LIN9: variants seen among roughly 807,000 people sequenced by gnomAD.
The protein encoded by LIN9 is lin-9 DREAM MuvB core complex component, also known as protein lin-9 homolog.
Under a neutral mutation model 78.0 loss-of-function variants are expected in LIN9, and 18 were observed. The observed-to-expected ratio is 0.23, with a 90% confidence interval of 0.16 to 0.34. LIN9 has a LOEUF of 0.34. LIN9 is among the 10% of genes least tolerant of loss of function. The pLI is 1.00. For missense variants in LIN9, 451 were observed against 644.1 expected (o/e 0.70, Z 3.25); for synonymous variants, 192 against 215.2 (o/e 0.89, Z 0.94).
At chr1:226,256,556 T>C (rs1476744162) in intron 10 of LIN9, among the ~76,000 whole-genome samples, 2 of 150,002 alleles carry the variant, frequency 1.3e-5, no homozygotes, top group Non-Finnish European at 3.0e-5. Flanking sequence ...AAAATAAATA[T>C]ATATATATAT....
chr1:226,248,397 A>G (rs911865144), intron 11 of LIN9, among the ~76,000 whole-genome samples: 19 of 152,136 alleles, frequency 1.2e-4, no homozygotes, highest in Admixed American at 1.2e-3. Context: ...AGACTGCTTC[A>G]TTTTTTCTGT....
intron 11 of LIN9, among the ~76,000 whole-genome samples, chr1:226,245,678 C>T (rs1405148664): frequency 6.4e-4 from 9 of 14,030 alleles, no homozygotes; most frequent in Non-Finnish European, 1.2e-3. Context: ...ACTGCAACCT[C>T]TCTCTGCTTC....
Position 226,297,717 on chromosome 1 carries a change from A to G in LIN9, c.159+2T>C. 1 of 1,560,706 alleles carries G rather than the reference A, an allele frequency of 6.4e-7. No individual in the cohort carries two copies. The highest frequency in any genetic ancestry group is 1.2e-5 in the South Asian group (1 of 82,192). On this transcript the variant is annotated splice_donor_variant, in intron 3 of 14. Coordinates refer to ENST00000681046, the MANE Select transcript of LIN9 (RefSeq NM_001366245.2). LOFTEE classifies it high-confidence loss of function. ...AAAATGTAAGAAAAACTCACTCCTT[A>G]CCATTTCCACAGCAGAGCTTGTATT...
At chr1:226,293,746 T>C (rs1284593016) in intron 4 of LIN9, among the ~76,000 whole-genome samples, 6 of 152,172 alleles carry the variant, frequency 3.9e-5, no homozygotes, top group Non-Finnish European at 8.8e-5. Flanking sequence ...ACTGTAGAGA[T>C]GGCATTTTGC....
At chr1:226,266,556 G>A (rs1217424708) in intron 8 of LIN9, among the ~76,000 whole-genome samples, 1 of 144,414 alleles carries the variant, frequency 6.9e-6, no homozygotes, top group Admixed American at 7.0e-5. Flanking sequence ...CTGCCAAAAG[G>A]ATGAACCTCC....
chr1:226,297,641 G>C (rs1246585975), intron 3 of LIN9, 78 bp downstream of exon 3: 2 of 985,664 alleles, frequency 2.0e-6, no homozygotes, highest in Non-Finnish European at 2.9e-6. Flanking sequence ...TTACTGTGCT[G>C]CAAGAATTTA....
Position 226,267,884 on chromosome 1 carries a change from C to T in LIN9, c.816+73G>A, listed in dbSNP as rs372801534. ...AAAGTCTTGATTCTATCATAAAATACGATTTCTAAAAAAACTCTATATAAC... is the reference window on the plus strand; with the variant it reads ...AAAGTCTTGATTCTATCATAAAATATGATTTCTAAAAAAACTCTATATAAC... On this transcript the variant is annotated intron_variant, in intron 8 of 14. Transcript: ENST00000681046. 1.7e-5 allele frequency: 24 copies of T among 1,430,356 alleles called. No individual in the cohort carries two copies. In the African/African-American group the frequency reaches 1.9e-4, roughly 11 times the overall value. The allele number at this position is 1,430,356 out of a possible 1,614,324, so 88.6% of individuals were successfully genotyped here.
intron 7 of LIN9, among the ~76,000 whole-genome samples, chr1:226,272,601 T>A (rs1259387771): frequency 6.6e-6 from 1 of 150,454 alleles, no homozygotes; most frequent in African/African-American, 2.5e-5. Context: ...GGGAAAAAGC[T>A]GAGTGTTAGG....
chr1:226,241,900 A>T (rs1658141475), intron 11 of LIN9, among the ~76,000 whole-genome samples: 1 of 151,862 alleles, frequency 6.6e-6, no homozygotes, highest in African/African-American at 2.4e-5. Context: ...AATGAACCAT[A>T]AAAAAAATTC....
intron 1 of LIN9, among the ~76,000 whole-genome samples, chr1:226,304,245 A>T (rs1350560758): frequency 2.0e-5 from 3 of 152,248 alleles, no homozygotes; most frequent in Admixed American, 6.5e-5. Flanking sequence ...CGAGGTGTTC[A>T]TTAATCCAAA....
chr1:226,241,427 C>A (rs920942651), intron 11 of LIN9, among the ~76,000 whole-genome samples: 1 of 152,028 alleles, frequency 6.6e-6, no homozygotes, highest in Admixed American at 6.6e-5. Context: ...TCTCTTACAG[C>A]GAATTTGAGG....
intron 6 of LIN9, among the ~76,000 whole-genome samples, chr1:226,285,158 T>C (rs553506442): frequency 4.3e-4 from 65 of 152,218 alleles, no homozygotes; most frequent in Non-Finnish European, 7.1e-4. Context: ...TACAGAACTA[T>C]GACAAAACAG....
chr1:226,276,201 A>G (rs1056889680), intron 7 of LIN9, among the ~76,000 whole-genome samples: 3 of 152,234 alleles, frequency 2.0e-5, no homozygotes, highest in African/African-American at 7.2e-5. Flanking sequence ...TAAAATTCTA[A>G]AACAATGAAT....
chr1:226,280,970 T>C (rs955319799), intron 6 of LIN9, among the ~76,000 whole-genome samples: 1 of 152,212 alleles, frequency 6.6e-6, no homozygotes, highest in Non-Finnish European at 1.5e-5. Context: ...TGTACTCCCA[T>C]GTTTATTGTA....
At chr1:226,302,674 A>C (rs1025798524) in intron 1 of LIN9, among the ~76,000 whole-genome samples, 1 of 152,220 alleles carries the variant, frequency 6.6e-6, no homozygotes, top group Admixed American at 6.5e-5. Context: ...ATAATAATTA[A>C]GGATGATCTC....
At chr1:226,243,677 C>T (rs994327611) in intron 11 of LIN9, among the ~76,000 whole-genome samples, 10 of 113,280 alleles carry the variant, frequency 8.8e-5, no homozygotes, top group Non-Finnish European at 1.5e-4. Flanking sequence ...GCCTGGGCAA[C>T]AGAGCGAGAC....
In LIN9 at chr1:226,266,333, C is replaced by A; in HGVS notation, c.817-1G>T. 2 of 1,581,388 alleles carry A rather than the reference C, an allele frequency of 1.3e-6. No homozygotes were observed. Among genetic ancestry groups the A allele is most frequent in the South Asian group, 2.4e-5 (2 of 84,754 alleles). ...GCATTGTCTCATGAGGTTCATTACT[C>A]TGAGAAAACAGAATAATTCACAAAA... On this transcript the variant is annotated splice_acceptor_variant, in intron 8 of 14. Transcript: ENST00000681046. LOFTEE classifies it high-confidence loss of function.
At chr1:226,246,065 CA>C (rs1431354317) in intron 11 of LIN9, among the ~76,000 whole-genome samples, 2 of 152,220 alleles carry the variant, frequency 1.3e-5, no homozygotes, top group Admixed American at 6.5e-5. Context: ...TTAAGTGCCA[CA>C]AGAGTTATTT....
chr1:226,260,628 G>GTTTTTTTTTTTTTTTTTTTT (rs559460640), intron 10 of LIN9, among the ~76,000 whole-genome samples: 1 of 73,438 alleles, frequency 1.4e-5, no homozygotes, highest in African/African-American at 5.0e-5. Context: ...GGCCAAATGA[G>GTTTTTTTTTTTTTTTTTTTT]TTTTTTTTTT....
Sources: gnomAD v4.1 joint callset for allele counts (sites outside exome capture counted in the v4.1 genomes callset) on GRCh38, gnomAD v4.1.1 for gene constraint, MANE v1.5 for transcripts, NCBI Gene and HGNC (gene_info 2026-07-23, HGNC 2026-07-21) for gene names.